SOX6: variants seen among roughly 807,000 people sequenced by gnomAD.
SOX6 encodes transcription factor SOX-6.
A neutral mutation model predicts 97.8 loss-of-function variants in SOX6; 11 were observed. That is an observed-to-expected ratio of 0.11 (90% CI 0.07 to 0.19). SOX6 has a LOEUF of 0.19. SOX6 is among the 10% of genes least tolerant of loss of function. The pLI is 1.00. For synonymous variants in SOX6, 360 were observed against 371.4 expected (o/e 0.97, Z 0.35); for missense variants, 810 against 1,039.5 (o/e 0.78, Z 3.04).
At chr11:16,248,947 G>A (rs184659976) in intron 3 of SOX6, among the ~76,000 whole-genome samples, 23,082 of 151,690 alleles carry the variant, frequency 0.15, 1,917 homozygotes, top group South Asian at 0.19. Flanking sequence ...AATACAAAAA[G>A]AAAATTAGCT....
chr11:16,231,806 T>C (rs1852860102), intron 4 of SOX6, among the ~76,000 whole-genome samples: 1 of 151,740 alleles, frequency 6.6e-6, no homozygotes, highest in African/African-American at 2.4e-5. Flanking sequence ...CCAACAAAAA[T>C]AATATTTTAG....
At chr11:16,438,806 C>G (rs887867348) in intron 1 of SOX6, among the ~76,000 whole-genome samples, 1 of 149,928 alleles carries the variant, frequency 6.7e-6, no homozygotes, top group Non-Finnish European at 1.5e-5. Flanking sequence ...CTTGAGCAAC[C>G]TTTATAGTCC....
chr11:16,457,767 C>A (rs1487202394), intron 1 of SOX6, among the ~76,000 whole-genome samples: 1 of 151,954 alleles, frequency 6.6e-6, no homozygotes, highest in Non-Finnish European at 1.5e-5. Context: ...CAAGGTCCAC[C>A]TACTCCAAAA....
intron 9 of SOX6, among the ~76,000 whole-genome samples, chr11:16,078,323 A>G (rs1368907964): frequency 6.6e-6 from 1 of 152,160 alleles, no homozygotes; most frequent in African/African-American, 2.4e-5. Context: ...CTCTTCTAAT[A>G]AGATATAAAA....
chr11:16,134,228 A>T (rs780641795), intron 6 of SOX6, among the ~76,000 whole-genome samples: 13 of 152,190 alleles, frequency 8.5e-5, no homozygotes, highest in Non-Finnish European at 1.6e-4. Context: ...TATTAAGGGG[A>T]TGGTCCAGGA....
intron 3 of SOX6, among the ~76,000 whole-genome samples, chr11:16,707,977 A>T (rs549744741): frequency 6.6e-6 from 1 of 152,268 alleles, no homozygotes; most frequent in East Asian, 1.9e-4. Flanking sequence ...TAATATTCAG[A>T]TAAGAAAGTA....
chr11:16,444,441 TA>T (rs1438037208), intron 1 of SOX6, among the ~76,000 whole-genome samples: 1 of 152,184 alleles, frequency 6.6e-6, no homozygotes, highest in African/African-American at 2.4e-5. Flanking sequence ...TTTTCTCACT[TA>T]TATCTTTACC....
At chr11:16,585,681 CTTTT>C (rs35531411) in intron 4 of SOX6, among the ~76,000 whole-genome samples, 4 of 108,344 alleles carry the variant, frequency 3.7e-5, no homozygotes, top group Admixed American at 1.1e-4. Flanking sequence ...TTTTTTTTTA[CTTTT>C]TTTTTTTTTT....
At chr11:16,635,646 A>C (rs1023497039) in intron 3 of SOX6, among the ~76,000 whole-genome samples, 3 of 152,186 alleles carry the variant, frequency 2.0e-5, no homozygotes, top group African/African-American at 7.2e-5. Flanking sequence ...TCACCAAGAC[A>C]ATGCAGAAAA....
rs1009688792 is a variant in SOX6 at position 16,356,378 on chromosome 11, G to A, written c.-289C>T. Among the ~76,000 whole-genome samples the A allele has an allele frequency of 6.6e-6, 1 of 152,086 alleles. No individual in the cohort carries two copies. Among genetic ancestry groups the A allele is most frequent in the African/African-American group, 2.4e-5 (1 of 41,450 alleles). Reference sequence around the variant, plus strand: ...GTTAAAAACATAAAAGTAAATGAAAGAAGTGAAATCTCTTGGCCTGTTGGG... The same window carrying A: ...GTTAAAAACATAAAAGTAAATGAAAAAAGTGAAATCTCTTGGCCTGTTGGG... On this transcript the variant is annotated 5_prime_UTR_variant, in exon 1 of 16. Transcript: ENST00000683767.
chr11:16,381,039 T>C (rs952857460), intron 1 of SOX6, among the ~76,000 whole-genome samples: 2 of 152,024 alleles, frequency 1.3e-5, no homozygotes, highest in Non-Finnish European at 2.9e-5. Flanking sequence ...TTTATAATTA[T>C]AGAAAAAATT....
intron 3 of SOX6, among the ~76,000 whole-genome samples, chr11:16,678,516 G>A (rs1372088499): frequency 1.3e-5 from 2 of 151,956 alleles, no homozygotes; most frequent in African/African-American, 4.8e-5. Flanking sequence ...GCTCCAGTCT[G>A]CAGCTCCCAG....
intron 1 of SOX6, among the ~76,000 whole-genome samples, chr11:16,439,351 G>A (rs1031183901): frequency 2.0e-5 from 3 of 152,092 alleles, no homozygotes; most frequent in Non-Finnish European, 2.9e-5. Context: ...AGAATCTCAT[G>A]CATTCATTTT....
intron 1 of SOX6, among the ~76,000 whole-genome samples, chr11:16,737,913 G>GA (rs923651192): frequency 2.6e-5 from 4 of 151,558 alleles, no homozygotes; most frequent in African/African-American, 4.8e-5. Flanking sequence ...TTTTAAAAAA[G>GA]AAAAAAAATA....
intron 2 of SOX6, among the ~76,000 whole-genome samples, chr11:16,336,184 A>G (rs1487311618): frequency 1.3e-5 from 2 of 152,172 alleles, no homozygotes; most frequent in African/African-American, 4.8e-5. Context: ...TCCCACTTAC[A>G]ATCATCACAT....
intron 3 of SOX6, among the ~76,000 whole-genome samples, chr11:16,678,989 T>C (rs1447526138): frequency 6.6e-6 from 1 of 152,182 alleles, no homozygotes; most frequent in African/African-American, 2.4e-5. Context: ...CCACCAGAGC[T>C]CAGCAAGGCC....
rs138640175 is a variant in SOX6, at chr11:16,459,365, A to G, written c.-5+16950T>C. On this transcript the variant is annotated intron_variant, in intron 1 of 15. Coordinates refer to the SOX6 transcript ENST00000396356. ...CAGAAAAAAAAGTTCAAAAATATTTATAGAAATACAAAAATACTGAGCACT... is the reference window on the plus strand; with the variant it reads ...CAGAAAAAAAAGTTCAAAAATATTTGTAGAAATACAAAAATACTGAGCACT... Among the ~76,000 whole-genome samples the G allele has an allele frequency of 2.0e-4, 31 of 152,190 alleles. No homozygotes were observed. The East Asian group carries it at 5.4e-3, about 26-fold the overall frequency.
rs569827098 is a variant in SOX6, at chr11:16,545,672, C to T, written n.609+66409G>A. 8.5e-5 allele frequency among the ~76,000 whole-genome samples: 13 copies of T among 152,264 alleles called. No individual in the cohort carries two copies. In the East Asian group the frequency reaches 1.5e-3, roughly 18 times the overall value. On this transcript the variant is annotated intron_variant and non_coding_transcript_variant, in intron 4 of 5. Transcript: ENST00000524520. ...ATTGGAAAAGAAGAAGTCAAACTGA[C>T]CAGGCATGGTGGCTCACACCTGTAA...
At chr11:16,122,524 A>T (rs1849518095) in intron 6 of SOX6, among the ~76,000 whole-genome samples, 1 of 152,086 alleles carries the variant, frequency 6.6e-6, no homozygotes, top group Non-Finnish European at 1.5e-5. Context: ...TGTAACAACC[A>T]AATTCAGATA....
Sources: allele counts gnomAD v4.1 joint callset (sites outside exome capture counted in the v4.1 genomes callset), GRCh38; gene constraint gnomAD v4.1.1; transcripts MANE v1.5; gene names NCBI Gene and HGNC (gene_info 2026-07-23, HGNC 2026-07-21).